The following CDH19 variants were observed in gnomAD, a reference collection of about 807,000 sequenced individuals.
CDH19 encodes cadherin 19.
A neutral mutation model predicts 64.2 loss-of-function variants in CDH19; 67 were observed. The observed-to-expected ratio is 1.04, with a 90% CI of 0.86 to 1.28. CDH19 has a LOEUF of 1.28. Ranked by LOEUF, CDH19 falls within the 50% of genes most tolerant of loss-of-function variation. The pLI is 0.00. For synonymous variants in CDH19, 346 were observed against 319.3 expected, an observed-to-expected ratio of 1.08 and a Z score of -0.89; for missense variants, 1,030 against 929.0, an observed-to-expected ratio of 1.11 and a Z score of -1.41.
intron 10 of CDH19, among the ~76,000 whole-genome samples, chr18:66,509,677 T>A (rs9952246): frequency 0.96 from 146,114 of 151,706 alleles, 70,597 homozygotes; most frequent in East Asian, 1. Flanking sequence ...ATAAGCTGAT[T>A]GAGCTGGCTT....
Position 66,503,421 on chromosome 18 carries a change from T to C in CDH19, c.*1391A>G, listed in dbSNP as rs1335597327. On this transcript the variant is annotated 3_prime_UTR_variant, in exon 12 of 12. Transcript: ENST00000262150. Reference sequence around the variant, plus strand: ...AAAGCAAATACTGAGAATTGTATCATGTTTTATCCCATGAATGGTAAGTCA... The same window carrying C: ...AAAGCAAATACTGAGAATTGTATCACGTTTTATCCCATGAATGGTAAGTCA... 6.6e-6 allele frequency: 1 copy of C among 151,864 alleles called. No individual in the cohort carries two copies. Among genetic ancestry groups the C allele is most frequent in the Non-Finnish European group, 1.5e-5 (1 of 67,834 alleles). 9.4% of individuals were successfully genotyped at this position (151,864 alleles called of 1,614,324 possible).
intron 1 of CDH19, among the ~76,000 whole-genome samples, chr18:66,592,213 C>A (rs749063118): frequency 2.0e-5 from 3 of 151,652 alleles, no homozygotes; most frequent in Non-Finnish European, 4.4e-5. Context: ...GTTCTTAATT[C>A]ATAATAATTT....
intron 10 of CDH19, among the ~76,000 whole-genome samples, chr18:66,510,594 A>G (rs1159979211): frequency 1.4e-5 from 2 of 143,162 alleles, no homozygotes; most frequent in Non-Finnish European, 3.0e-5. Context: ...AATAATAATA[A>G]TAATAATAAT....
intron 9 of CDH19, among the ~76,000 whole-genome samples, chr18:66,517,868 G>A (rs1265584538): frequency 6.6e-6 from 1 of 151,790 alleles, no homozygotes; most frequent in East Asian, 1.9e-4. Context: ...TTATCTGGGT[G>A]TTTTTTATAT....
At chr18:66,510,770 C>T (rs149254660) in intron 10 of CDH19, among the ~76,000 whole-genome samples, 6 of 151,260 alleles carry the variant, frequency 4.0e-5, no homozygotes, top group African/African-American at 7.3e-5. Flanking sequence ...GGGAATTTGA[C>T]GAGGGCAAAA....
At chr18:66,595,696 C>T (rs184256054) in intron 1 of CDH19, among the ~76,000 whole-genome samples, 78 of 152,014 alleles carry the variant, frequency 5.1e-4, no homozygotes, top group African/African-American at 1.8e-3. Flanking sequence ...AAGGAAAAGC[C>T]TTGGACTAGA....
intron 1 of CDH19, among the ~76,000 whole-genome samples, chr18:66,595,265 C>T (rs985087235): frequency 4.0e-5 from 6 of 151,204 alleles, no homozygotes; most frequent in African/African-American, 7.3e-5. Context: ...TACTTAATAA[C>T]GTAACATCAC....
chr18:66,566,066 C>T (rs1162305673), intron 3 of CDH19, among the ~76,000 whole-genome samples: 1 of 151,908 alleles, frequency 6.6e-6, no homozygotes, highest in Non-Finnish European at 1.5e-5. Flanking sequence ...TACCATGATA[C>T]CAATAATTCT....
chr18:66,515,591 T>C (rs1985702025), intron 9 of CDH19, among the ~76,000 whole-genome samples: 1 of 151,748 alleles, frequency 6.6e-6, no homozygotes, highest in South Asian at 2.1e-4. Flanking sequence ...TCTAAAAGGA[T>C]TTTTCACAAA....
chr18:66,589,365 T>C (rs1372382119), intron 1 of CDH19, among the ~76,000 whole-genome samples: 3 of 151,732 alleles, frequency 2.0e-5, no homozygotes, highest in Non-Finnish European at 4.4e-5. Flanking sequence ...CTAACAGTAT[T>C]TATTTCTTTG....
chr18:66,552,271 T>C lies in CDH19; in HGVS notation c.611-1013A>G, dbSNP rs116369488. Among the ~76,000 whole-genome samples the C allele has an allele frequency of 5.6e-3, 853 of 152,102 alleles. 12 individuals carry two copies. The highest frequency in any genetic ancestry group is 0.019 in the African/African-American group (797 of 41,524). ...AAAAAAATGACATATGAGTATAAAATGCACACCTGATTTCAAAGACTGAGA... is the reference window on the plus strand; with the variant it reads ...AAAAAAATGACATATGAGTATAAAACGCACACCTGATTTCAAAGACTGAGA... On this transcript the variant is annotated intron_variant, in intron 4 of 11. Transcript: ENST00000262150.
intron 7 of CDH19, among the ~76,000 whole-genome samples, chr18:66,535,476 T>C (rs183194452): frequency 1.2e-3 from 189 of 151,404 alleles, no homozygotes; most frequent in Non-Finnish European, 2.0e-3. Flanking sequence ...CTTGGCTTGA[T>C]ATTTAACAAA....
At position 66,503,655 on chromosome 18, in the gene CDH19, T is replaced by C. The variant is rs1985042634; in HGVS notation, c.*1157A>G. On this transcript the variant is annotated 3_prime_UTR_variant, in exon 12 of 12. Transcript: ENST00000262150. ...TTTTGACATAAGAATGTGTTTTGAG[T>C]TGCATATGAAAAAAAATCTATGACA... The C allele has an allele frequency of 1.3e-5, 2 of 151,980 alleles. No homozygotes were observed. The highest frequency in any genetic ancestry group is 2.1e-4 in the South Asian group (1 of 4,828). 9.4% of individuals were successfully genotyped at this position (151,980 alleles called of 1,614,324 possible).
intron 3 of CDH19, among the ~76,000 whole-genome samples, chr18:66,561,383 G>A (rs1333350432): frequency 2.0e-5 from 3 of 152,114 alleles, no homozygotes; most frequent in East Asian, 3.9e-4. Context: ...ATATAAAGTG[G>A]CCACCAGGAT....
At chr18:66,530,719 A>G (rs1035924919) in intron 8 of CDH19, among the ~76,000 whole-genome samples, 1 of 152,142 alleles carries the variant, frequency 6.6e-6, no homozygotes, top group Non-Finnish European at 1.5e-5. Context: ...GATTTATCTT[A>G]TAGCAGACTT....
Position 66,601,616 on chromosome 18 carries a change from A to G in CDH19, c.-113+2338T>C, listed in dbSNP as rs535259451. 1.1e-4 allele frequency among the ~76,000 whole-genome samples: 16 copies of G among 152,112 alleles called. 2 individuals carry two copies. The South Asian group carries it at 3.1e-3, about 30-fold the overall frequency. ...TACTTGGATGATTCTGAATATAATT[A>G]TTGAGTAATTAATGTGACACATTTT... On this transcript the variant is annotated intron_variant, in intron 1 of 11. Transcript: ENST00000262150.
At position 66,521,385 on chromosome 18, in the gene CDH19, G is replaced by A. The variant is rs563409985; in HGVS notation, c.1458+8460C>T. Among the ~76,000 whole-genome samples, 5 of 152,114 alleles carry A rather than the reference G, an allele frequency of 3.3e-5. No individual in the cohort carries two copies. The South Asian group carries it at 8.3e-4, about 25-fold the overall frequency. ...ATTAAGTCATTTACTACATCAACAC[G>A]AGGTACTAACTTTTATAAAGAACAT... is the stretch of plus-strand genomic sequence containing the variant. On this transcript the variant is annotated intron_variant, in intron 9 of 11. Coordinates refer to ENST00000262150, the MANE Select transcript of CDH19 (RefSeq NM_021153.4).
chr18:66,584,628 T>C (rs997683559), intron 1 of CDH19, among the ~76,000 whole-genome samples: 12 of 152,010 alleles, frequency 7.9e-5, no homozygotes, highest in Admixed American at 6.6e-4. Flanking sequence ...CTATTCACAA[T>C]AGCAAAGACA....
At chr18:66,571,756 C>A (rs988311386) in intron 2 of CDH19, among the ~76,000 whole-genome samples, 4 of 151,554 alleles carry the variant, frequency 2.6e-5, no homozygotes, top group Non-Finnish European at 4.4e-5. Flanking sequence ...ATAAAGTTTC[C>A]AGATGTTGAA....
Sources: gnomAD v4.1 joint callset for allele counts (sites outside exome capture counted in the v4.1 genomes callset) on GRCh38, gnomAD v4.1.1 for gene constraint, MANE v1.5 for transcripts, NCBI Gene and HGNC (gene_info 2026-07-23, HGNC 2026-07-21) for gene names.